The following XCR1 variants were observed in gnomAD, a reference collection of about 807,000 sequenced individuals.
XCR1 encodes the protein X-C motif chemokine receptor 1.
For missense variants in XCR1, 356 were observed against 424.2 expected (o/e 0.84, Z 1.41); for synonymous variants, 187 against 188.5 (o/e 0.99, Z 0.06).
intron 5 of XCR1, among the ~76,000 whole-genome samples, chr3:46,049,394 T>C (rs1187156025): frequency 6.6e-6 from 1 of 152,216 alleles, no homozygotes; most frequent in Admixed American, 6.5e-5. Context: ...GTTTGTCTGC[T>C]TTCTCATTAC....
Position 46,021,280 on chromosome 3 carries a change from G to A in XCR1, c.668C>T (p.Thr223Met), listed in dbSNP as rs1183698296. The A allele has an allele frequency of 8.1e-6, 13 of 1,614,078 alleles. No homozygotes were observed. Among genetic ancestry groups the A allele is most frequent in the African/African-American group, 1.3e-5 (1 of 74,924 alleles). Residue 223 changes from threonine to methionine, a missense_variant, in exon 2 of 2, where the codon ACG (threonine) becomes ATG (methionine). Thr to Met is a moderately conservative substitution (Grantham distance 81). Coordinates refer to ENST00000309285, the MANE Select transcript of XCR1 (RefSeq NM_001024644.2). This position sits in a 1 kb window ranked among gnomAD's most constrained non-coding sequence, Gnocchi z 4.7. ...CACGATGGCGAAGATGAGCTTGACC[G>A]TGCGGTGGCGCCGCTTGGAGCGTGA... ...FRSRSKRRHR[T>M]VKLIFAIVVA...
intron 1 of XCR1, among the ~76,000 whole-genome samples, chr3:46,025,778 T>G (rs1575410127): frequency 6.6e-6 from 1 of 152,266 alleles, no homozygotes; most frequent in East Asian, 1.9e-4. Flanking sequence ...ACACAAACTA[T>G]AAGAAATAGA....
intron 4 of XCR1, among the ~76,000 whole-genome samples, chr3:46,066,110 T>C (rs1698064725): frequency 6.6e-6 from 1 of 152,206 alleles, no homozygotes; most frequent in African/African-American, 2.4e-5. Context: ...TGTGTTGTGA[T>C]GCAGCAAGAC....
At chr3:46,044,794 C>CA (rs1697595071) in intron 5 of XCR1, among the ~76,000 whole-genome samples, 1 of 152,160 alleles carries the variant, frequency 6.6e-6, no homozygotes, top group African/African-American at 2.4e-5. Flanking sequence ...TACCAAAACT[C>CA]ACACAAGGAG....
intron 1 of XCR1, among the ~76,000 whole-genome samples, chr3:46,025,948 G>A (rs1708279360): frequency 6.6e-6 from 1 of 151,978 alleles, no homozygotes; most frequent in Non-Finnish European, 1.5e-5. Context: ...ATCAAATCCA[G>A]CAATACATTT....
chr3:46,037,097 T>C (rs1697443681), intron 5 of XCR1, among the ~76,000 whole-genome samples: 1 of 152,156 alleles, frequency 6.6e-6, no homozygotes, highest in South Asian at 2.1e-4. Flanking sequence ...TATAAAATGC[T>C]AATATCTGGT....
rs1187043232 is a variant in XCR1, at chr3:46,071,364, T to TCA, written c.-263+3285_-263+3286dup. The stretch of plus-strand genomic sequence containing the variant: ...AAAAAAAGGCCAGCACCAGATGGAT[T>TCA]CACAGATGAAGTCTGCCAAATGTAA... On this transcript the variant is annotated intron_variant, in intron 3 of 5. Transcript: ENST00000683768. Among the ~76,000 whole-genome samples, 6 of 152,186 alleles carry TCA rather than the reference T, an allele frequency of 3.9e-5. No homozygotes were observed. In the South Asian group the frequency reaches 1.2e-3, roughly 32 times the overall value.
intron 3 of XCR1, among the ~76,000 whole-genome samples, chr3:46,068,176 C>A (rs1014461503): frequency 6.6e-6 from 1 of 152,158 alleles, no homozygotes; most frequent in Non-Finnish European, 1.5e-5. Context: ...ACCTCTGTGG[C>A]ATCATTCCTC....
intron 5 of XCR1, among the ~76,000 whole-genome samples, chr3:46,040,758 G>A (rs1575419516): frequency 6.6e-6 from 1 of 152,072 alleles, no homozygotes; most frequent in Admixed American, 6.6e-5. Context: ...ATCAGCTTCA[G>A]TCTAGGGCTT....
chr3:46,026,585 TC>T (rs1483627269), intron 1 of XCR1, among the ~76,000 whole-genome samples: 1 of 150,828 alleles, frequency 6.6e-6, no homozygotes, highest in Non-Finnish European at 1.5e-5. Context: ...TTCTTCTTCT[TC>T]TTTTTTTTTT....
At chr3:46,057,932 CTACG>C (rs757161544) in intron 4 of XCR1, among the ~76,000 whole-genome samples, 2,002 of 142,278 alleles carry the variant, frequency 0.014, 35 homozygotes, top group African/African-American at 0.044. Flanking sequence ...ATCTATCTAT[CTACG>C]CATCCATCTA....
At chr3:46,062,707 C>A (rs1697987015) in intron 4 of XCR1, among the ~76,000 whole-genome samples, 1 of 152,240 alleles carries the variant, frequency 6.6e-6, no homozygotes, top group South Asian at 2.1e-4. Flanking sequence ...GCCATTCTGG[C>A]TTCTCAAGCC....
intron 5 of XCR1, among the ~76,000 whole-genome samples, chr3:46,042,585 G>C (rs1288931546): frequency 1.3e-5 from 2 of 152,098 alleles, no homozygotes; most frequent in African/African-American, 4.8e-5. Flanking sequence ...AAAATGGACC[G>C]ATTCTTAAGA....
At chr3:46,027,723 C>G (rs1345030886), upstream of XCR1, 12 of 152,222 alleles carry the variant, frequency 7.9e-5, no homozygotes, top group East Asian at 2.3e-3. Flanking sequence ...GAAACGCCTA[C>G]TCCATGAATC....
intron 1 of XCR1, chr3:46,023,954 T>G: frequency 6.8e-7 from 1 of 1,463,880 alleles, no homozygotes; most frequent in East Asian, 2.3e-5. Flanking sequence ...GATGCTGATT[T>G]TGTAGAAACG....
At chr3:46,072,084 A>G (rs1463479160) in intron 3 of XCR1, among the ~76,000 whole-genome samples, 2 of 152,234 alleles carry the variant, frequency 1.3e-5, no homozygotes, top group East Asian at 3.8e-4. Flanking sequence ...GATTTAATAA[A>G]TGAATTCAGT....
chr3:46,059,198 GCCTGTACCTATGGCC>G (rs1697915915), intron 4 of XCR1, among the ~76,000 whole-genome samples: 1 of 152,178 alleles, frequency 6.6e-6, no homozygotes, highest in Non-Finnish European at 1.5e-5. Flanking sequence ...CTCTGTCTCA[GCCTGTACCTATGGCC>G]TCATGAAGAA....
intron 5 of XCR1, among the ~76,000 whole-genome samples, chr3:46,040,983 A>T (rs866685305): frequency 3.3e-5 from 5 of 152,180 alleles, no homozygotes; most frequent in South Asian, 4.1e-4. Context: ...TGTTTGAAAT[A>T]TTGCCGATTC....
chr3:46,069,338 C>G (rs1200945395), intron 3 of XCR1, among the ~76,000 whole-genome samples: 1 of 151,928 alleles, frequency 6.6e-6, no homozygotes, highest in African/African-American at 2.4e-5. Flanking sequence ...AAGTGATAAA[C>G]CTTTAGAAAG....
Sources: allele counts gnomAD v4.1 joint callset (sites outside exome capture counted in the v4.1 genomes callset), GRCh38; gene constraint gnomAD v4.1.1; non-coding constraint Gnocchi (gnomAD v3.1); transcripts MANE v1.5; gene names NCBI Gene and HGNC (gene_info 2026-07-23, HGNC 2026-07-21).